The following RIMS1 variants were observed in gnomAD, a reference collection of about 807,000 sequenced individuals.
The protein encoded by RIMS1 is regulating synaptic membrane exocytosis protein 1.
In RIMS1, 83 loss-of-function variants were observed where a neutral mutation model predicts 214.1. The observed-to-expected ratio is 0.39, with a 90% CI of 0.32 to 0.47. RIMS1 has a LOEUF of 0.47. Among genes scored for constraint, RIMS1 ranks in the 20% least tolerant of loss-of-function variants. The pLI is 0.99. For synonymous variants in RIMS1, 793 were observed against 786.8 expected (o/e 1.01, Z -0.13); for missense variants, 2,050 against 2,161.8 (o/e 0.95, Z 1.03).
intron 2 of RIMS1, among the ~76,000 whole-genome samples, chr6:72,085,215 A>G (rs956968740): frequency 2.0e-5 from 3 of 152,258 alleles, no homozygotes; most frequent in African/African-American, 4.8e-5. Flanking sequence ...AAGACCAAAT[A>G]CGTTTTTAGA....
chr6:72,219,907 A>G (rs1326489669), intron 6 of RIMS1, among the ~76,000 whole-genome samples: 1 of 152,014 alleles, frequency 6.6e-6, no homozygotes, highest in Non-Finnish European at 1.5e-5. Flanking sequence ...TATTTAGCAT[A>G]TATCTGAAAT....
intron 2 of RIMS1, among the ~76,000 whole-genome samples, chr6:72,022,485 A>T (rs1032828477): frequency 1.3e-5 from 2 of 152,222 alleles, no homozygotes; most frequent in African/African-American, 4.8e-5. Context: ...TTTATATTAC[A>T]TATTTGTTGT....
At position 72,372,772 on chromosome 6, in the gene RIMS1, A is replaced by G. The variant is rs147928258; in HGVS notation, c.4367-17826A>G. ...GTTTGCTATTCATTGTTGGGAAACT[A>G]TATATGGCTGCCGCCAGGTTGCATG... On this transcript the variant is annotated intron_variant, in intron 29 of 33. Coordinates refer to ENST00000521978, the MANE Select transcript of RIMS1 (RefSeq NM_014989.7). 4.8e-4 allele frequency among the ~76,000 whole-genome samples: 73 copies of G among 152,314 alleles called. 1 individual carries two copies. The highest frequency in any genetic ancestry group is 1.6e-3 in the African/African-American group (68 of 41,580).
intron 4 of RIMS1, among the ~76,000 whole-genome samples, chr6:72,135,632 G>A (rs954353701): frequency 2.6e-5 from 4 of 152,172 alleles, no homozygotes; most frequent in South Asian, 4.1e-4. Flanking sequence ...CAAAACTGAC[G>A]TGGAAAGGAG....
At chr6:72,361,096 CTTTTTTTTTTTTTTTTTT>C (rs70994124) in intron 29 of RIMS1, among the ~76,000 whole-genome samples, 1 of 54,386 alleles carries the variant, frequency 1.8e-5, no homozygotes, top group Non-Finnish European at 3.4e-5. Context: ...GTCTTTCTTT[CTTTTTTTTTTTTTTTTTT>C]TTTTTTTTTT....
chr6:72,067,093 ACC>A (rs1304633097), intron 2 of RIMS1, among the ~76,000 whole-genome samples: 1 of 151,702 alleles, frequency 6.6e-6, no homozygotes, highest in Admixed American at 6.6e-5. Context: ...TGTTCTTTCT[ACC>A]CCCTACTCTT....
intron 4 of RIMS1, among the ~76,000 whole-genome samples, chr6:72,179,210 T>C (rs994181455): frequency 7.2e-5 from 11 of 152,080 alleles, no homozygotes; most frequent in African/African-American, 2.7e-4. Flanking sequence ...TTTCTTTTTT[T>C]TTCCTGGTAA....
At chr6:72,267,006 C>T (rs1056608551) in intron 22 of RIMS1, among the ~76,000 whole-genome samples, 2 of 151,950 alleles carry the variant, frequency 1.3e-5, no homozygotes, top group Non-Finnish European at 2.9e-5. Flanking sequence ...ATATTTATTT[C>T]TGGAATTGAA....
At chr6:72,314,223 G>A (rs1293295672) in intron 28 of RIMS1, among the ~76,000 whole-genome samples, 3 of 152,136 alleles carry the variant, frequency 2.0e-5, no homozygotes, top group Non-Finnish European at 4.4e-5. Context: ...AAAGACCCCA[G>A]ACATCCAAGT....
chr6:71,909,811 T>A (rs1044320115), intron 1 of RIMS1, among the ~76,000 whole-genome samples: 18 of 152,030 alleles, frequency 1.2e-4, no homozygotes, highest in Non-Finnish European at 2.9e-5. Context: ...AGAAAAAAAA[T>A]TTAAAGTAGA....
intron 2 of RIMS1, among the ~76,000 whole-genome samples, chr6:72,000,908 AT>A (rs552476205): frequency 1.1e-3 from 161 of 151,454 alleles, no homozygotes; most frequent in African/African-American, 1.7e-3. Flanking sequence ...CACTTCTCAA[AT>A]TTTTTTTTAA....
intron 26 of RIMS1, among the ~76,000 whole-genome samples, chr6:72,294,157 T>C: frequency 6.6e-6 from 1 of 151,742 alleles, no homozygotes; most frequent in Non-Finnish European, 1.5e-5. Context: ...TGGTTCTATT[T>C]CAAAATGAAC....
intron 6 of RIMS1, among the ~76,000 whole-genome samples, chr6:72,224,910 T>C (rs1231722784): frequency 6.6e-6 from 1 of 152,206 alleles, no homozygotes; most frequent in Admixed American, 6.5e-5. Flanking sequence ...GCTGTAGTTT[T>C]GGAGTTTTAT....
At chr6:72,299,369 G>A (rs186431463) in intron 26 of RIMS1, among the ~76,000 whole-genome samples, 1 of 151,700 alleles carries the variant, frequency 6.6e-6, no homozygotes, top group African/African-American at 2.4e-5. Flanking sequence ...AGAATGAAAG[G>A]CAATTAAAGT....
intron 2 of RIMS1, among the ~76,000 whole-genome samples, chr6:72,001,953 T>A (rs1452906193): frequency 6.6e-6 from 1 of 152,182 alleles, no homozygotes; most frequent in African/African-American, 2.4e-5. Context: ...AAAATGTTCA[T>A]TTTATCTTCA....
intron 12 of RIMS1, among the ~76,000 whole-genome samples, chr6:72,249,791 G>T (rs189324037): frequency 2.0e-5 from 3 of 151,990 alleles, no homozygotes; most frequent in African/African-American, 7.2e-5. Flanking sequence ...AAATAAGTGA[G>T]AAAAAATACC....
chr6:71,975,708 A>T (rs113108999), intron 2 of RIMS1, among the ~76,000 whole-genome samples: 2 of 152,160 alleles, frequency 1.3e-5, no homozygotes, highest in Non-Finnish European at 2.9e-5. Flanking sequence ...AAGAAATTTC[A>T]TACCTTTTAG....
At chr6:72,276,130 C>T (rs996813710) in intron 23 of RIMS1, among the ~76,000 whole-genome samples, 11 of 152,122 alleles carry the variant, frequency 7.2e-5, no homozygotes, top group African/African-American at 2.7e-4. Flanking sequence ...CACACACAGT[C>T]TGTGAGCCCA....
intron 11 of RIMS1, among the ~76,000 whole-genome samples, chr6:72,247,535 C>CAAAAAA (rs10717559): frequency 9.6e-6 from 1 of 104,026 alleles, no homozygotes; most frequent in South Asian, 3.2e-4. Context: ...AACTCTGTCT[C>CAAAAAA]AAAAAAAAAA....
Sources: allele counts gnomAD v4.1 joint callset (sites outside exome capture counted in the v4.1 genomes callset), GRCh38; gene constraint gnomAD v4.1.1; transcripts MANE v1.5; gene names NCBI Gene and HGNC (gene_info 2026-07-23, HGNC 2026-07-21).